GRM5: variants seen among roughly 807,000 people sequenced by gnomAD.
GRM5 encodes the protein metabotropic glutamate receptor 5.
Under a neutral mutation model 83.1 loss-of-function variants are expected in GRM5, and 19 were observed. The observed-to-expected ratio is 0.23, with a 90% confidence interval of 0.16 to 0.34. The LOEUF (loss-of-function observed/expected upper bound fraction) is 0.34, where lower values mean the gene tolerates loss of function less well. GRM5 is among the 10% of genes least tolerant of loss of function. The pLI, the probability that GRM5 is intolerant of heterozygous loss-of-function variation, is 1.00. For synonymous variants in GRM5, 675 were observed against 633.6 expected, an observed-to-expected ratio of 1.07 and a Z score of -0.98; for missense variants, 1,160 against 1,588.3, an observed-to-expected ratio of 0.73 and a Z score of 4.58.
intron 2 of GRM5, among the ~76,000 whole-genome samples, chr11:88,858,801 C>A (rs1192936320): frequency 6.6e-6 from 1 of 151,764 alleles, no homozygotes; most frequent in Non-Finnish European, 1.5e-5. Context: ...GTGAAATAGC[C>A]AAGTAGAAAT....
intron 2 of GRM5, among the ~76,000 whole-genome samples, chr11:88,941,036 A>C (rs1412853481): frequency 6.6e-6 from 1 of 151,912 alleles, no homozygotes; most frequent in Non-Finnish European, 1.5e-5. Context: ...AGAGGCAATA[A>C]ACACTCCAAA....
intron 2 of GRM5, among the ~76,000 whole-genome samples, chr11:89,017,143 C>CG (rs1940878963): frequency 6.6e-6 from 1 of 152,040 alleles, no homozygotes; most frequent in African/African-American, 2.4e-5. Context: ...ACTAAGCAAA[C>CG]GTTTGACTCC....
intron 3 of GRM5, among the ~76,000 whole-genome samples, chr11:88,838,887 A>G (rs1203052990): frequency 5.9e-5 from 9 of 151,492 alleles, no homozygotes; most frequent in African/African-American, 2.2e-4. Context: ...ACACACACAC[A>G]CACACACACA....
chr11:88,632,028 C>T (rs1938984591), intron 4 of GRM5, among the ~76,000 whole-genome samples: 1 of 152,078 alleles, frequency 6.6e-6, no homozygotes, highest in African/African-American at 2.4e-5. Context: ...CATATTGAAA[C>T]TGAACACTTT....
At chr11:88,966,178 A>G (rs1012791267) in intron 2 of GRM5, among the ~76,000 whole-genome samples, 4 of 152,114 alleles carry the variant, frequency 2.6e-5, no homozygotes, top group Admixed American at 2.6e-4. Flanking sequence ...AGGTAAAAAT[A>G]TTGAACTGAA....
At chr11:88,755,206 A>T (rs534014700) in intron 3 of GRM5, among the ~76,000 whole-genome samples, 14 of 152,298 alleles carry the variant, frequency 9.2e-5, no homozygotes, top group African/African-American at 3.4e-4. Flanking sequence ...GAGCTTGGGG[A>T]TTCTCAAGAG....
intron 3 of GRM5, among the ~76,000 whole-genome samples, chr11:88,679,859 C>A (rs1341473327): frequency 6.6e-6 from 1 of 152,122 alleles, no homozygotes; most frequent in African/African-American, 2.4e-5. Context: ...AGGCACCATT[C>A]TATTTATGAA....
intron 3 of GRM5, among the ~76,000 whole-genome samples, chr11:88,771,795 CA>C (rs1399667622): frequency 2.6e-5 from 4 of 152,010 alleles, no homozygotes; most frequent in African/African-American, 7.2e-5. Context: ...GACTTAGTAC[CA>C]AAAGAGAAAG....
chr11:88,583,649 G>T (rs967219022), intron 7 of GRM5, among the ~76,000 whole-genome samples: 1 of 152,092 alleles, frequency 6.6e-6, no homozygotes, highest in Non-Finnish European at 1.5e-5. Context: ...TTGGACTGGG[G>T]ACCTAAAGAT....
At chr11:88,691,078 G>A (rs981646696) in intron 3 of GRM5, among the ~76,000 whole-genome samples, 1 of 152,162 alleles carries the variant, frequency 6.6e-6, no homozygotes, top group African/African-American at 2.4e-5. Flanking sequence ...AAGAGAGGGT[G>A]GAAACTAACG....
At chr11:88,675,492 A>C (rs144123683) in intron 3 of GRM5, among the ~76,000 whole-genome samples, 62 of 152,090 alleles carry the variant, frequency 4.1e-4, no homozygotes, top group Middle Eastern at 6.8e-3. Flanking sequence ...AGAAAATTAG[A>C]GTATTTATGT....
rs377572861 is a variant in GRM5 at position 88,867,569 on chromosome 11, T to A, written c.662-17414A>T. ...CTTATAGAAAATTCCTATGTTGTAA[T>A]CCTAACCCCAAGTACCTCAGAATGT... On this transcript the variant is annotated intron_variant, in intron 2 of 9. Coordinates refer to ENST00000305447, the MANE Select transcript of GRM5 (RefSeq NM_001143831.3). Among the ~76,000 whole-genome samples the A allele has an allele frequency of 2.0e-5, 3 of 151,694 alleles. No homozygotes were observed. In the East Asian group the frequency reaches 5.8e-4, roughly 29 times the overall value.
chr11:89,003,035 T>C (rs1940430848), intron 2 of GRM5, among the ~76,000 whole-genome samples: 1 of 152,108 alleles, frequency 6.6e-6, no homozygotes, highest in African/African-American at 2.4e-5. Flanking sequence ...ATCCCAAAAA[T>C]TTTTCTCATG....
At chr11:88,861,906 C>A (rs912267721) in intron 2 of GRM5, among the ~76,000 whole-genome samples, 1 of 152,146 alleles carries the variant, frequency 6.6e-6, no homozygotes, top group African/African-American at 2.4e-5. Context: ...GACTGTGAGA[C>A]AGTTAAACAA....
intron 3 of GRM5, among the ~76,000 whole-genome samples, chr11:88,770,539 A>T (rs1942713257): frequency 6.6e-6 from 1 of 152,130 alleles, no homozygotes; most frequent in Admixed American, 6.6e-5. Context: ...TCAATTGAAC[A>T]AATGTTGCTT....
rs572481697 is a variant in GRM5 at position 88,984,896 on chromosome 11, T to C, written c.661+62316A>G. The C allele has an allele frequency of 4.9e-5, 32 of 648,806 alleles. 2 individuals are homozygous for C. The South Asian group carries it at 5.3e-4, about 11-fold the overall frequency. The allele number at this position is 648,806 out of a possible 1,614,324, so 40.2% of individuals were successfully genotyped here. ...ACACCTGGCAAATCATGAAAATAAA[T>C]TTTATGTTGTTATCAATGATATTTT... On this transcript the variant is annotated intron_variant, in intron 2 of 9. Transcript: ENST00000305447.
chr11:88,897,317 G>T (rs937955196), intron 2 of GRM5, among the ~76,000 whole-genome samples: 4 of 151,840 alleles, frequency 2.6e-5, no homozygotes, highest in Non-Finnish European at 2.9e-5. Flanking sequence ...AGCACTACTA[G>T]CTAGAAGTCA....
intron 3 of GRM5, among the ~76,000 whole-genome samples, chr11:88,729,464 A>G (rs1286068245): frequency 6.6e-6 from 1 of 152,246 alleles, no homozygotes; most frequent in Non-Finnish European, 1.5e-5. Flanking sequence ...AAAGTAATTT[A>G]TAGATTTAAT....
At chr11:89,001,697 T>C (rs1465995692) in intron 2 of GRM5, among the ~76,000 whole-genome samples, 1 of 152,154 alleles carries the variant, frequency 6.6e-6, no homozygotes, top group Non-Finnish European at 1.5e-5. Flanking sequence ...GAGGAAAAAC[T>C]GGTAAAGAGT....
Sources: allele counts gnomAD v4.1 joint callset (sites outside exome capture counted in the v4.1 genomes callset), GRCh38; gene constraint gnomAD v4.1.1; transcripts MANE v1.5; gene names NCBI Gene and HGNC (gene_info 2026-07-23, HGNC 2026-07-21).